The following CCDC171 variants were observed in gnomAD, a reference collection of about 807,000 sequenced individuals.
CCDC171 encodes the protein coiled-coil domain containing 171.
CCDC171 carries 177 observed loss-of-function variants against 168.2 expected under a neutral mutation model. That is an observed-to-expected ratio of 1.05 (90% CI 0.93 to 1.19). The LOEUF (loss-of-function observed/expected upper bound fraction) is 1.19, where lower values mean the gene tolerates loss of function less well. Ranked by LOEUF, CCDC171 falls within the 50% of genes most tolerant of loss-of-function variation. The probability of loss-of-function intolerance (pLI) is 0.00; values close to 1 mark genes in which losing one functional copy is unlikely to be tolerated. For synonymous variants in CCDC171, 687 were observed against 540.8 expected (o/e 1.27, Z -3.75); for missense variants, 1,991 against 1,539.0 (o/e 1.29, Z -4.91).
intron 18 of CCDC171, among the ~76,000 whole-genome samples, chr9:15,754,320 GT>G (rs2055955936): frequency 6.6e-6 from 1 of 152,072 alleles, no homozygotes; most frequent in African/African-American, 2.4e-5. Flanking sequence ...AACTGGGCAC[GT>G]TATTTAACTT....
chr9:15,889,568 A>G (rs985015798), intron 24 of CCDC171, among the ~76,000 whole-genome samples: 2 of 152,312 alleles, frequency 1.3e-5, no homozygotes, highest in Non-Finnish European at 2.9e-5. Flanking sequence ...TGTGCAAATC[A>G]GATAAGGCTC....
chr9:15,712,868 C>T (rs1033257238), intron 11 of CCDC171, among the ~76,000 whole-genome samples: 9 of 152,122 alleles, frequency 5.9e-5, no homozygotes, highest in African/African-American at 2.2e-4. Context: ...TGCTATGACT[C>T]TTTTGTTCAA....
At chr9:15,916,137 T>G (rs1007356197) in intron 24 of CCDC171, among the ~76,000 whole-genome samples, 1 of 151,890 alleles carries the variant, frequency 6.6e-6, no homozygotes, top group Middle Eastern at 3.2e-3. Flanking sequence ...ATTTAAAATA[T>G]TCACATTATG....
intron 7 of CCDC171, among the ~76,000 whole-genome samples, chr9:15,638,126 T>C (rs1043615768): frequency 6.6e-6 from 1 of 152,210 alleles, no homozygotes; most frequent in Admixed American, 6.5e-5. Flanking sequence ...GTCTCTGCTT[T>C]TGGAGAACTT....
intron 8 of CCDC171, among the ~76,000 whole-genome samples, chr9:15,657,598 T>G (rs150041620): frequency 4.8e-4 from 73 of 152,278 alleles, no homozygotes; most frequent in African/African-American, 1.6e-3. Context: ...GTTGAAAAAA[T>G]GTGCATGTTA....
At chr9:15,989,037 C>T (rs1356586002) in intron 3 of CCDC171, among the ~76,000 whole-genome samples, 2 of 152,186 alleles carry the variant, frequency 1.3e-5, no homozygotes, top group Non-Finnish European at 2.9e-5. Flanking sequence ...GCAGAAACCT[C>T]TGCAGACTTA....
intron 23 of CCDC171, among the ~76,000 whole-genome samples, chr9:15,854,590 G>C (rs1031361024): frequency 2.6e-5 from 4 of 151,360 alleles, no homozygotes; most frequent in African/African-American, 9.7e-5. Context: ...TATTATCTCT[G>C]CTCTAAAACA....
At chr9:15,758,754 C>T (rs750698548) in intron 18 of CCDC171, among the ~76,000 whole-genome samples, 13 of 152,054 alleles carry the variant, frequency 8.5e-5, no homozygotes, top group South Asian at 2.1e-4. Context: ...TTACTGTTCT[C>T]GTGGTAGTGA....
At chr9:15,677,280 C>G (rs1021347354) in intron 9 of CCDC171, among the ~76,000 whole-genome samples, 1 of 151,896 alleles carries the variant, frequency 6.6e-6, no homozygotes, top group Non-Finnish European at 1.5e-5. Flanking sequence ...ATGTAGCATC[C>G]AATCCTTTTA....
chr9:15,812,088 AAG>A (rs1356764164), intron 21 of CCDC171, among the ~76,000 whole-genome samples: 1 of 152,236 alleles, frequency 6.6e-6, no homozygotes, highest in African/African-American at 2.4e-5. Flanking sequence ...GTATTAAAAA[AAG>A]AGAAGTGAGC....
intron 24 of CCDC171, among the ~76,000 whole-genome samples, chr9:15,887,204 A>G (rs1370791029): frequency 6.6e-6 from 1 of 152,198 alleles, no homozygotes; most frequent in African/African-American, 2.4e-5. Flanking sequence ...GTATATATAT[A>G]TTAAATAATC....
At position 15,725,583 on chromosome 9, in the gene CCDC171, G is replaced by A. The variant is rs138542223; in HGVS notation, c.1692+607G>A. ...TCCTGCCCCAGCCTCCTGAGTAGCT[G>A]GGATTACAGGTGTCCACCACCATGC... On this transcript the variant is annotated intron_variant, in intron 14 of 25. Transcript: ENST00000380701. Among the ~76,000 whole-genome samples, 127 of 152,172 alleles carry A rather than the reference G, an allele frequency of 8.3e-4. No individual in the cohort carries two copies. In the East Asian group the frequency reaches 9.3e-3, roughly 11 times the overall value.
In CCDC171 at chr9:15,582,511, C is replaced by T. The variant is rs996687110; in HGVS notation, c.352+3488C>T. On this transcript the variant is annotated intron_variant, in intron 4 of 25. Transcript: ENST00000380701. ...TTTATTGTGGCACTGTTCACAATAG[C>T]AAAGACTTGGAACCAACCCAAATGG... Among the ~76,000 whole-genome samples the T allele has an allele frequency of 2.0e-5, 3 of 152,142 alleles. No homozygotes were observed. In the East Asian group the frequency reaches 5.8e-4, roughly 29 times the overall value.
rs138504968 is a variant in CCDC171, at chr9:15,631,463, C to G, written c.822+8050C>G. ...CTTGGACACATACACCCACCCAAGA[C>G]TAAACCAGGAAGAAGTTGACCTTCT... On this transcript the variant is annotated intron_variant, in intron 7 of 25. Transcript: ENST00000380701. Among the ~76,000 whole-genome samples, 1,329 of 152,292 alleles carry G rather than the reference C, an allele frequency of 8.7e-3. 10 individuals are homozygous for G. The highest frequency in any genetic ancestry group is 0.014 in the Non-Finnish European group (976 of 68,016).
At chr9:15,663,797 G>C (rs541928386) in intron 8 of CCDC171, among the ~76,000 whole-genome samples, 1 of 151,976 alleles carries the variant, frequency 6.6e-6, no homozygotes, top group East Asian at 1.9e-4. Flanking sequence ...TAGTAGAGAT[G>C]GGGTTTCACC....
intron 3 of CCDC171, among the ~76,000 whole-genome samples, chr9:15,576,875 A>G (rs965431880): frequency 3.3e-5 from 5 of 152,158 alleles, no homozygotes; most frequent in South Asian, 2.1e-4. Context: ...AGAGCGGTGT[A>G]GGTGGCTCTT....
At chr9:15,922,296 A>G (rs1364558206) in intron 25 of CCDC171, 1 of 189,096 alleles carries the variant, frequency 5.3e-6, no homozygotes, top group Non-Finnish European at 1.2e-5. Context: ...TGTTTTAAAA[A>G]TAATAAACTT....
chr9:15,913,227 G>T (rs1823976884), intron 24 of CCDC171, among the ~76,000 whole-genome samples: 1 of 152,072 alleles, frequency 6.6e-6, no homozygotes, highest in African/African-American at 2.4e-5. Flanking sequence ...GTCTATTCAG[G>T]GATTCGACTT....
In CCDC171 at chr9:15,923,371, G is replaced by T. The variant is rs1011937612; in HGVS notation, c.3753+2949G>T. On this transcript the variant is annotated intron_variant, in intron 25 of 25. Transcript: ENST00000380701. ...TTACGACAACATGGATGAATCTGTA[G>T]GACATTATGTTAAATGAAATAAGCC... is the stretch of plus-strand genomic sequence containing the variant. 2.0e-5 allele frequency among the ~76,000 whole-genome samples: 3 copies of T among 151,174 alleles called. No homozygotes were observed. The South Asian group carries it at 6.2e-4, about 31-fold the overall frequency.
Sources: allele counts gnomAD v4.1 joint callset (sites outside exome capture counted in the v4.1 genomes callset), GRCh38; gene constraint gnomAD v4.1.1; transcripts MANE v1.5; gene names NCBI Gene and HGNC (gene_info 2026-07-23, HGNC 2026-07-21).